Variants in BRD2 observed in about 807,000 individuals in gnomAD.
BRD2 encodes bromodomain-containing protein 2.
A neutral mutation model predicts 79.1 loss-of-function variants in BRD2; 15 were observed. The ratio of observed to expected loss-of-function variants is 0.19; its 90% CI spans 0.13 to 0.29. The LOEUF is 0.29. Among genes scored for constraint, BRD2 ranks in the 10% least tolerant of loss-of-function variants. The pLI, the probability that BRD2 is intolerant of heterozygous loss-of-function variation, is 1.00. For synonymous variants in BRD2, 488 were observed against 358.6 expected, an observed-to-expected ratio of 1.36 and a Z score of -4.08; for missense variants, 1,053 against 991.3, an observed-to-expected ratio of 1.06 and a Z score of -0.84.
Position 32,978,381 on chromosome 6 carries a change from G to C in BRD2, c.1834G>C (p.Gly612Arg). 1 of 1,611,956 alleles carries C rather than the reference G, an allele frequency of 6.2e-7. No individual in the cohort carries two copies. The highest frequency in any genetic ancestry group is 8.5e-7 in the Non-Finnish European group (1 of 1,179,598). Residue 612 changes from glycine (G) to arginine (R), a missense_variant, in exon 10 of 13, where the codon GGC (glycine) becomes CGC (arginine). Coordinates refer to ENST00000374825, the MANE Select transcript of BRD2 (RefSeq NM_005104.4). ...PSGFGPSGGS[G>R]TKLPKKATKT... ...TGGCTTTGGACCTTCTGGAGGAAGT[G>C]GCACCAAGTGAGTTAGAGTAGGAAG...
At chr6:32,969,567 A>T (rs1436916129) in intron 1 of BRD2, among the ~76,000 whole-genome samples, 1 of 152,198 alleles carries the variant, frequency 6.6e-6, no homozygotes, top group Non-Finnish European at 1.5e-5. Context: ...GGGGAGCTCC[A>T]GTCGTCACAC....
At chr6:32,977,197 T>C in intron 7 of BRD2, 1 of 1,477,230 alleles carries the variant, frequency 6.8e-7, no homozygotes, top group Non-Finnish European at 9.1e-7. Flanking sequence ...TTAAGGAAGT[T>C]ATAGGGTGGA....
At position 32,972,079 on chromosome 6, in the gene BRD2, C is replaced by T. The variant is rs1332803831; in HGVS notation, c.-820C>T. The T allele has an allele frequency of 1.4e-6, 1 of 696,236 alleles. No homozygotes were observed. Among genetic ancestry groups the T allele is most frequent in the Admixed American group, 2.0e-5 (1 of 48,970 alleles). 43.1% of individuals were successfully genotyped at this position (696,236 alleles called of 1,614,324 possible). ...CCCTTCGACTCAGCTTCTTCACCCG[C>T]GTGAGCGAGCGCGCGCGCGCGGAGG... On this transcript the variant is annotated 5_prime_UTR_variant, in exon 2 of 13. Coordinates refer to ENST00000374825, the MANE Select transcript of BRD2 (RefSeq NM_005104.4).
chr6:32,978,021 T>C lies in BRD2; in HGVS notation c.1578+16T>C. 6.2e-7 allele frequency: 1 copy of C among 1,607,310 alleles called. No homozygotes were observed. ...ACAGGAACAGGTATTTTGTCACTCTTGAAAGTTTTTATTGGGTAAGAGGTT... is the reference window on the plus strand; with the variant it reads ...ACAGGAACAGGTATTTTGTCACTCTCGAAAGTTTTTATTGGGTAAGAGGTT... On this transcript the variant is annotated intron_variant, in intron 9 of 12. Coordinates refer to ENST00000374825, the MANE Select transcript of BRD2 (RefSeq NM_005104.4).
At chr6:32,979,607 T>C (rs1171250624) in intron 10 of BRD2, 1 of 574,982 alleles carries the variant, frequency 1.7e-6, no homozygotes, top group African/African-American at 1.9e-5. Flanking sequence ...GGTATGTACG[T>C]ACATTGTCTT....
chr6:32,978,031 T>A (rs1304066950), intron 9 of BRD2, 26 bp downstream of exon 9: 1 of 1,606,770 alleles, frequency 6.2e-7, no homozygotes, highest in Non-Finnish European at 8.5e-7. Context: ...TGAAAGTTTT[T>A]ATTGGGTAAG....
rs3918140 is a variant in BRD2 at position 32,980,685 on chromosome 6, G to A, written c.2373G>A (p.Ser791=). ...CCAGCTCCTCCTCTTCCTCGTCGTC[G>A]TCTTCAGACACCAGTGATTCAGACT... ...SDSSSSSSSS[S]SSDTSDSDSG The change falls in exon 13 of 13, where the codon TCG becomes TCA. Residue 791 remains serine, a synonymous_variant. Coordinates refer to ENST00000374825, the MANE Select transcript of BRD2 (RefSeq NM_005104.4). 0.041 allele frequency: 66,760 copies of A among 1,612,944 alleles called. 2,673 individuals are homozygous for A. The highest frequency in any genetic ancestry group is 0.17 in the East Asian group (7,687 of 44,864).
rs577873798 is a variant in BRD2 at position 32,975,421 on chromosome 6, G to T, written c.371G>T (p.Gly124Val). ...ATTATAAAACAGCCTATGGACATGG[G>T]TACTATTAAGAGGAGACTTGAAAAC... ...HKIIKQPMDM[G>V]TIKRRLENNY... The change falls in exon 4 of 13, where the codon GGT (glycine) becomes GTT (valine). Residue 124 changes from glycine to valine, a missense_variant. This residue lies in a region of BRD2 where 413 missense variants were observed against 335.1 expected (regional missense o/e 1.23). Coordinates refer to ENST00000374825, the MANE Select transcript of BRD2 (RefSeq NM_005104.4). 6.2e-7 allele frequency: 1 copy of T among 1,610,104 alleles called. No individual in the cohort carries two copies. The highest frequency in any genetic ancestry group is 1.3e-5 in the African/African-American group (1 of 74,898).
rs924848486 is a variant in BRD2 at position 32,981,122 on chromosome 6, T to TCC, written c.*407_*408dup. On this transcript the variant is annotated 3_prime_UTR_variant, in exon 13 of 13. Transcript: ENST00000374825. ...GGCTGGGGGGAGGGTGGGGCCGTGG[T>TCC]CCCCTCAGCCTCCATGGGGAGGGAA... The TCC allele has an allele frequency of 5.9e-6, 1 of 168,618 alleles. No homozygotes were observed. The highest frequency in any genetic ancestry group is 2.4e-5 in the African/African-American group (1 of 41,862). 10.4% of individuals were successfully genotyped at this position (168,618 alleles called of 1,614,324 possible). A position where few individuals can be genotyped will look rare whatever the true frequency, so the allele number is the denominator to read the frequency against.
chr6:32,979,689 C>T, intron 10 of BRD2, 139 bp from the exon 11 acceptor site: 1 of 974,758 alleles, frequency 1.0e-6, no homozygotes, highest in South Asian at 1.7e-5. Context: ...TCCCAGTAGC[C>T]CACCTCTTAC....
Position 32,972,890 on chromosome 6 carries a change from G to A in BRD2, c.-9G>A, listed in dbSNP as rs367803227. 9.3e-6 allele frequency: 15 copies of A among 1,614,052 alleles called. No individual in the cohort carries two copies. The highest frequency in any genetic ancestry group is 1.3e-5 in the African/African-American group (1 of 75,046). ...CGGCTGAGGGCAGCGCCGGTTCCTT[G>A]CGGTCAAGATGCTGCAAAACGTGAC... On this transcript the variant is annotated 5_prime_UTR_variant, in exon 2 of 13. Coordinates refer to ENST00000374825, the MANE Select transcript of BRD2 (RefSeq NM_005104.4).
chr6:32,969,599 C>G (rs1772233403), intron 1 of BRD2, among the ~76,000 whole-genome samples: 1 of 152,200 alleles, frequency 6.6e-6, no homozygotes, highest in Admixed American at 6.5e-5. Flanking sequence ...GGTTACGCTT[C>G]GAGTCGCTTA....
chr6:32,976,120 G>A lies in BRD2; in HGVS notation c.561G>A (p.Leu187=), dbSNP rs769839054. ...VASMPQEEQE[L]VVTIPKNSHK... is the part of the protein sequence containing the mutation. Reference sequence around the variant, plus strand: ...CAATGCCACAAGAAGAACAAGAGCTGGTAGTGACCATCCCTAAGAACAGCC... The same window carrying A: ...CAATGCCACAAGAAGAACAAGAGCTAGTAGTGACCATCCCTAAGAACAGCC... Residue 187 remains leucine, a synonymous_variant, in exon 5 of 13, where the codon CTG becomes CTA. Transcript: ENST00000374825. 6.2e-7 allele frequency: 1 copy of A among 1,613,000 alleles called. No homozygotes were observed. Among genetic ancestry groups the A allele is most frequent in the Admixed American group, 1.7e-5 (1 of 59,990 alleles).
Position 32,980,148 on chromosome 6 carries a change from G to A in BRD2, c.2146+16G>A. On this transcript the variant is annotated intron_variant, in intron 11 of 12. Transcript: ENST00000374825. ...AAGCCCTACAGTACGTATGAAATGA[G>A]GTTCATCTCATGGTTCTGAGGACAG... The A allele has an allele frequency of 6.2e-7, 1 of 1,605,752 alleles. No homozygotes were observed. The highest frequency in any genetic ancestry group is 2.2e-5 in the East Asian group (1 of 44,828).
At chr6:32,974,313 T>G in intron 2 of BRD2, 149 bp from the exon 3 acceptor site, 4 of 764,624 alleles carry the variant, frequency 5.2e-6, no homozygotes, top group Non-Finnish European at 8.7e-6. Context: ...GCTCCACAGA[T>G]TGTTTGGATA....
In BRD2 at chr6:32,971,868, C is replaced by T; in HGVS notation, c.-1031C>T. On this transcript the variant is annotated 5_prime_UTR_variant, in exon 2 of 13. Transcript: ENST00000374825. Reference sequence around the variant, plus strand: ...ATGGCTTCCGCACCTCTTCCAACCACCCTCTTTCCCTGGAGTCGGCGGACC... The same window carrying T: ...ATGGCTTCCGCACCTCTTCCAACCATCCTCTTTCCCTGGAGTCGGCGGACC... 3 of 701,362 alleles carry T rather than the reference C, an allele frequency of 4.3e-6. No individual in the cohort carries two copies. The highest frequency in any genetic ancestry group is 2.7e-5 in the East Asian group (1 of 37,244). The allele number at this position is 701,362 out of a possible 1,614,324, so 43.4% of individuals were successfully genotyped here. A position where few individuals can be genotyped will look rare whatever the true frequency, so the allele number is the denominator to read the frequency against.
At chr6:32,976,994 AAC>A in intron 7 of BRD2, 58 bp downstream of exon 7, 1 of 1,542,554 alleles carries the variant, frequency 6.5e-7, no homozygotes, top group Admixed American at 2.0e-5. Flanking sequence ...CTAGGTGCAA[AAC>A]AATAAGTCTC....
Position 32,976,101 on chromosome 6 carries a change from C to G in BRD2, c.542C>G (p.Pro181Arg). 1 of 1,612,890 alleles carries G rather than the reference C, an allele frequency of 6.2e-7. No individual in the cohort carries two copies. The highest frequency in any genetic ancestry group is 8.5e-7 in the Non-Finnish European group (1 of 1,179,982). Reference protein sequence around the residue: ...KIFLQKVASMPQEEQELVVTI... With the variant: ...KIFLQKVASMRQEEQELVVTI... ...TTCCTACAGAAGGTTGCATCAATGC[C>G]ACAAGAAGAACAAGAGCTGGTAGTG... Residue 181 changes from proline to arginine, a missense_variant, in exon 5 of 13, where the codon CCA becomes CGA. Pro to Arg is a moderately radical substitution (Grantham distance 103). This residue lies in a region of BRD2 where 413 missense variants were observed against 335.1 expected (regional missense o/e 1.23). Transcript: ENST00000374825.
In BRD2 at chr6:32,972,800, C is replaced by A; in HGVS notation, c.-99C>A. ...CTGGAGGCCCAAGAGGAACGGCCTC[C>A]CCCCAACTTAGCGGGTTATGCTGGA... is the stretch of plus-strand genomic sequence containing the variant. On this transcript the variant is annotated 5_prime_UTR_variant, in exon 2 of 13. Transcript: ENST00000374825. The A allele has an allele frequency of 6.3e-7, 1 of 1,581,770 alleles. No homozygotes were observed. The highest frequency in any genetic ancestry group is 1.7e-5 in the Admixed American group (1 of 59,858).
Sources: gnomAD v4.1 joint callset for allele counts (sites outside exome capture counted in the v4.1 genomes callset) on GRCh38, gnomAD v4.1.1 for gene constraint, gnomAD v4.1.1 regional missense constraint, MANE v1.5 for transcripts, NCBI Gene and HGNC (gene_info 2026-07-23, HGNC 2026-07-21) for gene names.